GABRB1: variants seen among roughly 807,000 people sequenced by gnomAD.
The protein encoded by GABRB1 is gamma-aminobutyric acid receptor subunit beta-1.
Under a neutral mutation model 51.6 loss-of-function variants are expected in GABRB1, and 17 were observed. The ratio of observed to expected loss-of-function variants is 0.33; its 90% CI spans 0.23 to 0.49. The LOEUF (loss-of-function observed/expected upper bound fraction) is 0.49. GABRB1 is among the 20% of genes least tolerant of loss of function. The probability of loss-of-function intolerance (pLI) is 0.99; values close to 1 mark genes in which losing one functional copy is unlikely to be tolerated. For synonymous variants in GABRB1, 247 were observed against 218.9 expected, an observed-to-expected ratio of 1.13 and a Z score of -1.14; for missense variants, 410 against 600.6, an observed-to-expected ratio of 0.68 and a Z score of 3.32.
upstream of GABRB1, among the ~76,000 whole-genome samples, chr4:47,029,681 T>C (rs1389859645): frequency 6.6e-6 from 1 of 152,054 alleles, no homozygotes; most frequent in East Asian, 1.9e-4. Context: ...TTTTGTTTTT[T>C]GTATTAAAGT....
At chr4:47,026,107 G>A (rs1180165775) in intron 1 of GABRB1, among the ~76,000 whole-genome samples, 6 of 151,924 alleles carry the variant, frequency 3.9e-5, no homozygotes, top group Non-Finnish European at 8.8e-5. Flanking sequence ...TTGAATTCAG[G>A]AAGTTTGAGA....
intron 3 of GABRB1, among the ~76,000 whole-genome samples, chr4:47,056,980 C>T (rs1726636528): frequency 6.6e-6 from 1 of 152,094 alleles, no homozygotes; most frequent in African/African-American, 2.4e-5. Context: ...GTGGCATGCC[C>T]CTGTAATCCC....
chr4:47,187,325 T>C (rs370684026), intron 4 of GABRB1, among the ~76,000 whole-genome samples: 2 of 152,014 alleles, frequency 1.3e-5, no homozygotes, highest in East Asian at 1.9e-4. Flanking sequence ...ACCTTAGGGA[T>C]GATTACAAAC....
chr4:47,414,627 T>G (rs909606527), intron 8 of GABRB1, among the ~76,000 whole-genome samples: 2 of 152,222 alleles, frequency 1.3e-5, no homozygotes, highest in East Asian at 1.9e-4. Context: ...ATACCAAATA[T>G]GCAGTTGTAT....
intron 3 of GABRB1, among the ~76,000 whole-genome samples, chr4:47,037,564 T>TA (rs1268252798): frequency 6.6e-6 from 1 of 150,930 alleles, no homozygotes; most frequent in Non-Finnish European, 1.5e-5. Context: ...TTTGTTTTTT[T>TA]TTTTTACTCT....
At chr4:47,373,322 C>T (rs1274852811) in intron 5 of GABRB1, among the ~76,000 whole-genome samples, 1 of 152,070 alleles carries the variant, frequency 6.6e-6, no homozygotes, top group Non-Finnish European at 1.5e-5. Flanking sequence ...TGTCTGCTAC[C>T]CCTAAGTACA....
intron 3 of GABRB1, among the ~76,000 whole-genome samples, chr4:47,135,681 C>T (rs1206053046): frequency 1.3e-5 from 2 of 152,088 alleles, no homozygotes; most frequent in African/African-American, 2.4e-5. Context: ...CCTGTCTCTA[C>T]GTTCTTTCAC....
Position 47,036,262 on chromosome 4 carries a change from A to T in GABRB1, c.240+3778A>T, listed in dbSNP as rs893366063. Among the ~76,000 whole-genome samples the T allele has an allele frequency of 5.3e-5, 8 of 152,334 alleles. No individual in the cohort carries two copies. The South Asian group carries it at 1.7e-3, about 32-fold the overall frequency. On this transcript the variant is annotated intron_variant, in intron 3 of 8. Coordinates refer to ENST00000295454, the MANE Select transcript of GABRB1 (RefSeq NM_000812.4). ...ATTCACTGTTTCTGTTGTTGTGGTT[A>T]TTTTAATATTAGACTCTGGAAGTTT...
At chr4:47,171,230 T>C (rs1718423318) in intron 4 of GABRB1, among the ~76,000 whole-genome samples, 1 of 151,316 alleles carries the variant, frequency 6.6e-6, no homozygotes, top group South Asian at 2.1e-4. Context: ...TTCCTGACCT[T>C]GATTGTATGT....
intron 4 of GABRB1, among the ~76,000 whole-genome samples, chr4:47,172,487 C>T (rs1024973102): frequency 3.3e-5 from 5 of 151,964 alleles, no homozygotes; most frequent in Non-Finnish European, 5.9e-5. Context: ...TTTCCTTACC[C>T]CTGCTTGTAA....
intron 5 of GABRB1, among the ~76,000 whole-genome samples, chr4:47,372,247 A>G (rs1239746762): frequency 1.3e-5 from 2 of 152,134 alleles, no homozygotes; most frequent in African/African-American, 4.8e-5. Context: ...CGATAGTTGT[A>G]GTGTGCAGTC....
At chr4:47,200,254 G>C (rs549862245) in intron 4 of GABRB1, among the ~76,000 whole-genome samples, 5 of 152,224 alleles carry the variant, frequency 3.3e-5, no homozygotes, top group Admixed American at 2.6e-4. Context: ...AGGTACATGG[G>C]GAGTGGTATG....
intron 5 of GABRB1, among the ~76,000 whole-genome samples, chr4:47,366,969 A>G (rs191892259): frequency 2.0e-5 from 3 of 152,264 alleles, no homozygotes; most frequent in Admixed American, 2.0e-4. Context: ...AACCTAGGGT[A>G]CCAAAGTAGT....
chr4:47,230,188 A>C (rs369769878), intron 4 of GABRB1, among the ~76,000 whole-genome samples: 1 of 152,162 alleles, frequency 6.6e-6, no homozygotes, highest in Non-Finnish European at 1.5e-5. Flanking sequence ...AGGTAAAAGG[A>C]AGAGTATTGC....
intron 4 of GABRB1, among the ~76,000 whole-genome samples, chr4:47,246,376 ATATATATATATATATATAT>A (rs1721758582): frequency 4.3e-5 from 2 of 46,368 alleles, no homozygotes; most frequent in African/African-American, 1.1e-4. Context: ...ATATATATAT[ATATATATATATATATATAT>A]AAAATACCAC....
intron 4 of GABRB1, among the ~76,000 whole-genome samples, chr4:47,305,056 T>G (rs1724395845): frequency 6.6e-6 from 1 of 152,096 alleles, no homozygotes; most frequent in African/African-American, 2.4e-5. Flanking sequence ...ACCAACATTT[T>G]GTACTTCGAG....
intron 3 of GABRB1, among the ~76,000 whole-genome samples, chr4:47,147,384 T>C (rs1036064989): frequency 1.3e-5 from 2 of 152,114 alleles, no homozygotes; most frequent in African/African-American, 4.8e-5. Context: ...TATTTTTAAT[T>C]TTTTCTTAAC....
intron 1 of GABRB1, among the ~76,000 whole-genome samples, chr4:47,010,498 G>C (rs1176931369): frequency 6.6e-6 from 1 of 152,190 alleles, no homozygotes; most frequent in East Asian, 1.9e-4. Context: ...GCATAACAAT[G>C]ATTGTGTTGC....
rs1421884397 is a variant in GABRB1, at chr4:47,279,122, GGATGGATGGATA to G, written c.462-40993_462-40982del. On this transcript the variant is annotated intron_variant, in intron 4 of 8. Coordinates refer to ENST00000295454, the MANE Select transcript of GABRB1 (RefSeq NM_000812.4). ...TGGATGGATGGATGGATGGATGGAT[GGATGGATGGATA>G]GATGGATGGATGAATTCATCCAGTC... Among the ~76,000 whole-genome samples the G allele has an allele frequency of 2.1e-4, 32 of 150,168 alleles. 1 individual carries two copies. The highest frequency in any genetic ancestry group is 6.2e-4 in the South Asian group (3 of 4,814).
Sources: gnomAD v4.1 joint callset for allele counts (sites outside exome capture counted in the v4.1 genomes callset) on GRCh38, gnomAD v4.1.1 for gene constraint, MANE v1.5 for transcripts, NCBI Gene and HGNC (gene_info 2026-07-23, HGNC 2026-07-21) for gene names.